HEMK2: variants seen among roughly 807,000 people sequenced by gnomAD.
The protein encoded by HEMK2 is HemK methyltransferase 2, ETF1 glutamine and histone H4 lysine.
chr21:28,721,441 T>A, the HEMK2 span, among the ~76,000 whole-genome samples: 1 of 152,180 alleles, frequency 6.6e-6, no homozygotes, highest in Non-Finnish European at 1.5e-5. Context: ...TGATTCCATA[T>A]TGAAGTATTT....
the HEMK2 span, among the ~76,000 whole-genome samples, chr21:28,727,547 G>A: frequency 5.9e-5 from 9 of 152,202 alleles, no homozygotes; most frequent in Non-Finnish European, 1.0e-4. Context: ...AATAACAAAG[G>A]AGCCACATCC....
chr21:28,579,306 A>C, the HEMK2 span, among the ~76,000 whole-genome samples: 2 of 152,312 alleles, frequency 1.3e-5, no homozygotes, highest in East Asian at 3.9e-4. Flanking sequence ...TCTTGTGTGT[A>C]TGTGTTTATA....
the HEMK2 span, chr21:28,885,272 G>T: frequency 6.3e-7 from 1 of 1,594,456 alleles, no homozygotes; most frequent in Non-Finnish European, 8.6e-7. Flanking sequence ...GTCCTCCGCG[G>T]GCTCGTACAC....
chr21:28,682,194 C>T, the HEMK2 span, among the ~76,000 whole-genome samples: 1 of 151,916 alleles, frequency 6.6e-6, no homozygotes, highest in African/African-American at 2.4e-5. Flanking sequence ...TGAACTCAAA[C>T]AAATTTACAA....
chr21:28,777,530 T>G, the HEMK2 span, among the ~76,000 whole-genome samples: 2 of 152,078 alleles, frequency 1.3e-5, no homozygotes, highest in Admixed American at 6.6e-5. Context: ...CTCTCTGGGG[T>G]CCAGAGAGGT....
At chr21:28,806,291 T>G in the HEMK2 span, among the ~76,000 whole-genome samples, 1 of 152,204 alleles carries the variant, frequency 6.6e-6, no homozygotes, top group Admixed American at 6.5e-5. Context: ...TACAAGGCAA[T>G]AGTTTAATGA....
chr21:28,853,331 T>C, the HEMK2 span, among the ~76,000 whole-genome samples: 1 of 152,146 alleles, frequency 6.6e-6, no homozygotes, highest in Non-Finnish European at 1.5e-5. Context: ...CTCTTTTAAC[T>C]CCCCAAGCTA....
At chr21:28,678,541 G>A in the HEMK2 span, among the ~76,000 whole-genome samples, 1 of 152,036 alleles carries the variant, frequency 6.6e-6, no homozygotes, top group Non-Finnish European at 1.5e-5. Flanking sequence ...GAAATACAGA[G>A]AACACCACAA....
chr21:28,635,432 C>T, the HEMK2 span, among the ~76,000 whole-genome samples: 1 of 152,006 alleles, frequency 6.6e-6, no homozygotes, highest in Non-Finnish European at 1.5e-5. Flanking sequence ...ATTTTAATGG[C>T]ACTTAAATCA....
chr21:28,726,310 T>C, the HEMK2 span, among the ~76,000 whole-genome samples: 1 of 152,014 alleles, frequency 6.6e-6, no homozygotes, highest in Non-Finnish European at 1.5e-5. Context: ...ATATTTTAAA[T>C]ATTAATAAAT....
the HEMK2 span, among the ~76,000 whole-genome samples, chr21:28,783,217 C>T: frequency 1.3e-5 from 2 of 152,018 alleles, no homozygotes; most frequent in Non-Finnish European, 2.9e-5. Context: ...CAGAATCTCG[C>T]TCTGTTGCCC....
At chr21:28,733,622 A>T in the HEMK2 span, among the ~76,000 whole-genome samples, 1 of 152,144 alleles carries the variant, frequency 6.6e-6, no homozygotes, top group Non-Finnish European at 1.5e-5. Context: ...AATGTTTTGA[A>T]TTAAGTTGCG....
At chr21:28,794,581 AT>A in the HEMK2 span, among the ~76,000 whole-genome samples, 5 of 152,388 alleles carry the variant, frequency 3.3e-5, no homozygotes, top group Middle Eastern at 3.4e-3. Context: ...ATATTTGAGA[AT>A]TTCAAGGAAG....
At chr21:28,640,515 C>A in the HEMK2 span, among the ~76,000 whole-genome samples, 1 of 152,306 alleles carries the variant, frequency 6.6e-6, no homozygotes, top group Admixed American at 6.5e-5. Context: ...CAGAATGGTA[C>A]TACAGCGGAA....
the HEMK2 span, among the ~76,000 whole-genome samples, chr21:28,706,213 TCTC>T: frequency 6.6e-6 from 1 of 152,200 alleles, no homozygotes; most frequent in Non-Finnish European, 1.5e-5. Flanking sequence ...TGTCTCTAAA[TCTC>T]CTCTGTTTTC....
chr21:28,863,036 C>T, the HEMK2 span, among the ~76,000 whole-genome samples: 6 of 151,990 alleles, frequency 3.9e-5, no homozygotes, highest in Admixed American at 3.9e-4. Flanking sequence ...ATGGTTAATA[C>T]TGAGTGTCAA....
At chr21:28,878,123 A>G in the HEMK2 span, 2 of 1,345,180 alleles carry the variant, frequency 1.5e-6, no homozygotes, top group Non-Finnish European at 2.0e-6. Context: ...TATAAATTAA[A>G]GCATTTTACA....
chr21:28,779,747 C>T, the HEMK2 span, among the ~76,000 whole-genome samples: 1 of 152,136 alleles, frequency 6.6e-6, no homozygotes, highest in South Asian at 2.1e-4. Context: ...ACTTCTCAAG[C>T]ACCAAAGGAC....
At chr21:28,793,845 A>C in the HEMK2 span, among the ~76,000 whole-genome samples, 1 of 152,208 alleles carries the variant, frequency 6.6e-6, no homozygotes, top group African/African-American at 2.4e-5. Flanking sequence ...ACAACAGCAG[A>C]GATTGGAATT....
Sources: gnomAD v4.1 joint callset for allele counts (sites outside exome capture counted in the v4.1 genomes callset) on GRCh38, gnomAD v4.1.1 for gene constraint, MANE v1.5 for transcripts, NCBI Gene and HGNC (gene_info 2026-07-23, HGNC 2026-07-21) for gene names.